Variants in STON2 observed in about 807,000 individuals in gnomAD.
STON2 encodes the protein stonin 2, also known as stonin-2.
In STON2, 29 loss-of-function variants were observed where a neutral mutation model predicts 65.7. The ratio of observed to expected loss-of-function variants is 0.44; its 90% CI spans 0.33 to 0.60. The LOEUF is 0.60. STON2 is among the 20% of genes least tolerant of loss of function. The probability of loss-of-function intolerance (pLI) is 0.03; values close to 1 mark genes in which losing one functional copy is unlikely to be tolerated. For synonymous variants in STON2, 404 were observed against 414.2 expected (o/e 0.98, Z 0.30); for missense variants, 1,054 against 1,118.1 (o/e 0.94, Z 0.82).
At chr14:81,387,104 CA>C (rs1423627901) in intron 3 of STON2, among the ~76,000 whole-genome samples, 1 of 149,716 alleles carries the variant, frequency 6.7e-6, no homozygotes, top group Non-Finnish European at 1.5e-5. Context: ...GGTTCATTTT[CA>C]AAAAAATTTC....
At chr14:81,358,137 G>A (rs529139589) in intron 4 of STON2, among the ~76,000 whole-genome samples, 11 of 152,060 alleles carry the variant, frequency 7.2e-5, no homozygotes, top group African/African-American at 2.4e-4. Flanking sequence ...CTATAATGAT[G>A]ATGTGTAAGG....
At chr14:81,396,447 T>C (rs1900327183) in intron 2 of STON2, among the ~76,000 whole-genome samples, 1 of 152,210 alleles carries the variant, frequency 6.6e-6, no homozygotes, top group African/African-American at 2.4e-5. Context: ...TGCCAGCATC[T>C]ACTCCAGTGC....
intron 4 of STON2, among the ~76,000 whole-genome samples, chr14:81,325,223 A>T (rs1183299130): frequency 6.6e-6 from 1 of 152,220 alleles, no homozygotes; most frequent in Non-Finnish European, 1.5e-5. Flanking sequence ...ATATGCCATG[A>T]AATGTAATTC....
At position 81,359,259 on chromosome 14, in the gene STON2, T is replaced by C. The variant is rs1477663557; in HGVS notation, c.571+11729A>G. Among the ~76,000 whole-genome samples, 8 of 152,224 alleles carry C rather than the reference T, an allele frequency of 5.3e-5. No homozygotes were observed. The South Asian group carries it at 6.2e-4, about 12-fold the overall frequency. ...GAATTTCAGAAAATTCACAAATATATAGAAATTAAACAACATGACTCTCAG... is the reference window on the plus strand; with the variant it reads ...GAATTTCAGAAAATTCACAAATATACAGAAATTAAACAACATGACTCTCAG... On this transcript the variant is annotated intron_variant, in intron 4 of 7. Coordinates refer to ENST00000614646, the MANE Select transcript of STON2 (RefSeq NM_001394390.1).
intron 2 of STON2, among the ~76,000 whole-genome samples, chr14:81,425,014 T>C (rs1566954651): frequency 6.6e-6 from 1 of 152,194 alleles, no homozygotes; most frequent in Non-Finnish European, 1.5e-5. Flanking sequence ...TTTCTTTTGG[T>C]AGATGTCTCA....
At chr14:81,308,809 T>C (rs374132009) in intron 5 of STON2, among the ~76,000 whole-genome samples, 2 of 51,790 alleles carry the variant, frequency 3.9e-5, no homozygotes, top group African/African-American at 1.4e-4. Flanking sequence ...TATATATATA[T>C]ATATATATAT....
At chr14:81,423,049 A>T (rs905312396) in intron 2 of STON2, among the ~76,000 whole-genome samples, 1 of 150,128 alleles carries the variant, frequency 6.7e-6, no homozygotes, top group Admixed American at 6.6e-5. Context: ...AAAAAAAAAG[A>T]TTTCTAGATT....
chr14:81,340,170 T>A (rs1897547104), intron 4 of STON2, among the ~76,000 whole-genome samples: 1 of 151,878 alleles, frequency 6.6e-6, no homozygotes. Context: ...AATAAATAAA[T>A]AAGCTGAGTA....
rs779655315 is a variant in STON2, at chr14:81,412,759, A to T, written c.-198-14179T>A. ...TAGTTGTAATTTAACAGAATTTTTT[A>T]AATTAAAAAAAAATGACCACGCGCA... On this transcript the variant is annotated intron_variant, in intron 2 of 8. Coordinates refer to the STON2 transcript ENST00000553821. Among the ~76,000 whole-genome samples, 32 of 140,148 alleles carry T rather than the reference A, an allele frequency of 2.3e-4. 3 individuals are homozygous for T. Among genetic ancestry groups the T allele is most frequent in the Non-Finnish European group, 3.6e-4 (24 of 67,006 alleles). 91.9% of individuals were successfully genotyped at this position (140,148 alleles called of 152,430 possible). A position where few individuals can be genotyped will look rare whatever the true frequency, so the allele number is the denominator to read the frequency against.
intron 4 of STON2, among the ~76,000 whole-genome samples, chr14:81,351,441 C>T (rs1330512293): frequency 6.6e-6 from 1 of 152,048 alleles, no homozygotes; most frequent in Non-Finnish European, 1.5e-5. Flanking sequence ...AGCAAAACTC[C>T]CTAGAGAACC....
chr14:81,316,945 G>A (rs1252041746), intron 5 of STON2, among the ~76,000 whole-genome samples: 6 of 152,086 alleles, frequency 3.9e-5, no homozygotes, highest in African/African-American at 4.8e-5. Flanking sequence ...GCGTGAACCC[G>A]CGAGGCAGAG....
intron 5 of STON2, among the ~76,000 whole-genome samples, chr14:81,293,139 C>G: frequency 6.6e-6 from 1 of 150,522 alleles, no homozygotes; most frequent in East Asian, 1.9e-4. Flanking sequence ...CGGTGGCACC[C>G]TAGGAAGCCT....
intron 4 of STON2, among the ~76,000 whole-genome samples, chr14:81,364,383 A>G (rs139017302): frequency 4.7e-4 from 71 of 152,310 alleles, no homozygotes; most frequent in Non-Finnish European, 9.3e-4. Context: ...GAGACAAAGT[A>G]AGGCTAACTT....
At chr14:81,289,147 T>C (rs1314114699) in intron 5 of STON2, among the ~76,000 whole-genome samples, 1 of 152,202 alleles carries the variant, frequency 6.6e-6, no homozygotes, top group African/African-American at 2.4e-5. Flanking sequence ...ATTAGGTTCC[T>C]GGATGTTAGT....
chr14:81,318,110 C>T (rs952958550), intron 5 of STON2, among the ~76,000 whole-genome samples: 5 of 151,872 alleles, frequency 3.3e-5, no homozygotes, highest in Non-Finnish European at 4.4e-5. Context: ...GGATTACAGG[C>T]GTGCACCACC....
chr14:81,340,903 T>A (rs1053506055), intron 4 of STON2, among the ~76,000 whole-genome samples: 3 of 151,342 alleles, frequency 2.0e-5, no homozygotes, highest in Admixed American at 2.0e-4. Context: ...TAATCACTAG[T>A]GGAATATGTT....
chr14:81,372,015 C>CT (rs1191670819), intron 3 of STON2, among the ~76,000 whole-genome samples: 1 of 152,164 alleles, frequency 6.6e-6, no homozygotes. Flanking sequence ...ATTCTGCTGA[C>CT]TGTCACATTT....
chr14:81,430,900 G>A (rs1161447936), intron 1 of STON2, among the ~76,000 whole-genome samples: 1 of 152,154 alleles, frequency 6.6e-6, no homozygotes, highest in African/African-American at 2.4e-5. Flanking sequence ...AAATCCCCCT[G>A]GCTGGTTTAA....
At position 81,366,830 on chromosome 14, in the gene STON2, A is replaced by C. The variant is rs566469428; in HGVS notation, c.571+4158T>G. Among the ~76,000 whole-genome samples, 4 of 106,180 alleles carry C rather than the reference A, an allele frequency of 3.8e-5. No homozygotes were observed. In the South Asian group the frequency reaches 1.4e-3, roughly 38 times the overall value. The allele number at this position is 106,180 out of a possible 152,430, so 69.7% of individuals were successfully genotyped here. ...AAATGAGGCAGAGAGATATTAAATT[A>C]AGATTTTTTTTATTCCTACAGCACT... On this transcript the variant is annotated intron_variant, in intron 4 of 7. Transcript: ENST00000614646.
Sources: gnomAD v4.1 joint callset for allele counts (sites outside exome capture counted in the v4.1 genomes callset) on GRCh38, gnomAD v4.1.1 for gene constraint, MANE v1.5 for transcripts, NCBI Gene and HGNC (gene_info 2026-07-23, HGNC 2026-07-21) for gene names.